KLF12: variants seen among roughly 807,000 people sequenced by gnomAD.
KLF12 encodes the protein Krueppel-like factor 12.
In KLF12, 9 loss-of-function variants were observed where a neutral mutation model predicts 37.8. The ratio of observed to expected loss-of-function variants is 0.24; its 90% CI spans 0.14 to 0.42. The LOEUF is 0.42. KLF12 is among the 10% of genes least tolerant of loss of function. The pLI is 1.00. For synonymous variants in KLF12, 208 were observed against 202.1 expected (o/e 1.03, Z -0.25); for missense variants, 411 against 516.0 (o/e 0.80, Z 1.97).
At chr13:74,223,056 C>T in the KLF12 span, among the ~76,000 whole-genome samples, 1 of 152,196 alleles carries the variant, frequency 6.6e-6, no homozygotes, top group African/African-American at 2.4e-5. Context: ...AAAATAAGCA[C>T]ATAATACCCT....
chr13:73,978,643 T>G (rs7330075), intron 2 of KLF12, among the ~76,000 whole-genome samples: 132,711 of 152,144 alleles, frequency 0.87, 58,083 homozygotes, highest in Middle Eastern at 0.93. Flanking sequence ...CCAGGCTTAA[T>G]GATCTAGTAA....
chr13:74,168,514 G>A, the KLF12 span, among the ~76,000 whole-genome samples: 8 of 152,130 alleles, frequency 5.3e-5, no homozygotes, highest in Non-Finnish European at 1.0e-4. Context: ...GGTGATATTC[G>A]ACACAGAGAC....
At chr13:74,115,403 C>T (rs1188024697) in intron 1 of KLF12, among the ~76,000 whole-genome samples, 2 of 152,100 alleles carry the variant, frequency 1.3e-5, no homozygotes, top group African/African-American at 4.8e-5. Flanking sequence ...CCTTCAAAGG[C>T]TCTAGAAAAG....
At chr13:73,699,805 T>C (rs1874414895) in intron 7 of KLF12, among the ~76,000 whole-genome samples, 1 of 152,126 alleles carries the variant, frequency 6.6e-6, no homozygotes, top group African/African-American at 2.4e-5. Context: ...CAGCACCTGG[T>C]AGAGCAAGGG....
At chr13:73,914,458 C>T (rs1888718844) in intron 3 of KLF12, among the ~76,000 whole-genome samples, 1 of 152,190 alleles carries the variant, frequency 6.6e-6, no homozygotes, top group African/African-American at 2.4e-5. Flanking sequence ...ATAGCAGGCA[C>T]TCAAATAGAT....
At chr13:73,916,787 A>G (rs73220887) in intron 3 of KLF12, among the ~76,000 whole-genome samples, 1,640 of 152,316 alleles carry the variant, frequency 0.011, 19 homozygotes, top group Non-Finnish European at 0.018. Flanking sequence ...AAATTAATAT[A>G]TTAATATTTA....
intron 5 of KLF12, chr13:73,800,301 T>C (rs1038335069): frequency 6.6e-6 from 1 of 152,034 alleles, no homozygotes; most frequent in Non-Finnish European, 1.5e-5. Flanking sequence ...AATGTAGCTG[T>C]TACGGATTTT....
At chr13:73,747,197 T>C (rs1424343820) in intron 6 of KLF12, among the ~76,000 whole-genome samples, 1 of 152,084 alleles carries the variant, frequency 6.6e-6, no homozygotes, top group African/African-American at 2.4e-5. Context: ...AGACTTATAG[T>C]CTAAGAGAGG....
Position 74,059,370 on chromosome 13 carries a change from A to G in KLF12, c.-31-64317T>C, listed in dbSNP as rs534955134. ...TTGAGAAATCTCCAAACTGCTTTCC[A>G]CAGGGGTTGAACTAGTTGTTCCCAC... On this transcript the variant is annotated intron_variant, in intron 1 of 7. Transcript: ENST00000377669. Among the ~76,000 whole-genome samples, 273 of 152,342 alleles carry G rather than the reference A, an allele frequency of 1.8e-3. 3 individuals are homozygous for G. The highest frequency in any genetic ancestry group is 2.9e-3 in the Non-Finnish European group (196 of 68,024).
the KLF12 span, among the ~76,000 whole-genome samples, chr13:74,151,495 A>C: frequency 1.3e-5 from 2 of 152,034 alleles, no homozygotes; most frequent in Non-Finnish European, 2.9e-5. Context: ...TACAAAAAAA[A>C]CACAAAAATT....
At chr13:73,978,002 T>A (rs371424163) in intron 2 of KLF12, among the ~76,000 whole-genome samples, 1 of 151,730 alleles carries the variant, frequency 6.6e-6, no homozygotes, top group South Asian at 2.1e-4. Flanking sequence ...AAGTAAAATG[T>A]AAAACTCTAA....
At position 73,807,478 on chromosome 13, in the gene KLF12, C is replaced by T. The variant is rs144348194; in HGVS notation, c.806+5674G>A. Among the ~76,000 whole-genome samples, 44 of 152,096 alleles carry T rather than the reference C, an allele frequency of 2.9e-4. No individual in the cohort carries two copies. In the East Asian group the frequency reaches 7.4e-3, roughly 25 times the overall value. ...ATTCACTAGTTGTTTTTCTTTAAGA[C>T]GATGAGCACTTCATATAAGCCATAT... is the stretch of plus-strand genomic sequence containing the variant. On this transcript the variant is annotated intron_variant, in intron 5 of 7. Coordinates refer to ENST00000377669, the MANE Select transcript of KLF12 (RefSeq NM_007249.5).
chr13:73,967,981 A>T (rs1490941550), intron 2 of KLF12, among the ~76,000 whole-genome samples: 1 of 152,128 alleles, frequency 6.6e-6, no homozygotes, highest in African/African-American at 2.4e-5. Flanking sequence ...TCAGGCTACT[A>T]CTTCTCAATA....
At chr13:74,159,116 C>T in the KLF12 span, among the ~76,000 whole-genome samples, 2 of 152,126 alleles carry the variant, frequency 1.3e-5, no homozygotes, top group African/African-American at 4.8e-5. Flanking sequence ...CCCAGATATC[C>T]TGAATCATAG....
At chr13:74,258,139 T>C in the KLF12 span, 1 of 151,104 alleles carries the variant, frequency 6.6e-6, no homozygotes, top group East Asian at 2.0e-4. Flanking sequence ...TCAAAGTGGT[T>C]CATCTTGGTC....
At chr13:74,182,886 G>A in the KLF12 span, among the ~76,000 whole-genome samples, 2 of 151,774 alleles carry the variant, frequency 1.3e-5, no homozygotes, top group Non-Finnish European at 2.9e-5. Context: ...TAGTACATGT[G>A]ACACACTTCC....
At chr13:74,292,457 T>TC in the KLF12 span, among the ~76,000 whole-genome samples, 27,503 of 151,860 alleles carry the variant, frequency 0.18, 3,272 homozygotes, top group African/African-American at 0.32. Flanking sequence ...TTTTTCTTTT[T>TC]TTTTTTTTGT....
intron 1 of KLF12, among the ~76,000 whole-genome samples, chr13:74,025,875 T>C (rs1892964463): frequency 6.6e-6 from 1 of 152,182 alleles, no homozygotes; most frequent in South Asian, 2.1e-4. Context: ...TTCCTCCGAC[T>C]TGACAACTGT....
intron 2 of KLF12, among the ~76,000 whole-genome samples, chr13:73,963,141 TATTA>T (rs1400396191): frequency 6.6e-6 from 1 of 152,182 alleles, no homozygotes; most frequent in Non-Finnish European, 1.5e-5. Context: ...CTGGTATACT[TATTA>T]AATAAAAGAT....
Sources: allele counts gnomAD v4.1 joint callset (sites outside exome capture counted in the v4.1 genomes callset), GRCh38; gene constraint gnomAD v4.1.1; transcripts MANE v1.5; gene names NCBI Gene and HGNC (gene_info 2026-07-23, HGNC 2026-07-21).